Variants in EYA2 observed in about 807,000 individuals in gnomAD.
The protein encoded by EYA2 is EYA transcriptional coactivator and phosphatase 2, also known as protein phosphatase EYA2.
EYA2 carries 31 observed loss-of-function variants against 69.2 expected under a neutral mutation model. The observed-to-expected ratio is 0.45, with a 90% CI of 0.34 to 0.60. The LOEUF (loss-of-function observed/expected upper bound fraction) is 0.60, where lower values mean the gene tolerates loss of function less well. EYA2 is among the 20% of genes least tolerant of loss of function. The pLI is 0.02. For missense variants in EYA2, 622 were observed against 701.2 expected (o/e 0.89, Z 1.28); for synonymous variants, 257 against 279.4 (o/e 0.92, Z 0.80).
intron 4 of EYA2, among the ~76,000 whole-genome samples, chr20:47,015,749 A>G (rs1289486818): frequency 6.6e-6 from 1 of 152,182 alleles, no homozygotes; most frequent in African/African-American, 2.4e-5. Flanking sequence ...GATGTACCAA[A>G]ACAAATCACA....
At chr20:47,000,338 C>A (rs1455684086) in intron 2 of EYA2, among the ~76,000 whole-genome samples, 1 of 152,214 alleles carries the variant, frequency 6.6e-6, no homozygotes, top group Non-Finnish European at 1.5e-5. Flanking sequence ...GCCCAGAGAT[C>A]TAGGAACTTG....
chr20:47,000,426 G>T, intron 2 of EYA2, among the ~76,000 whole-genome samples: 1 of 152,226 alleles, frequency 6.6e-6, no homozygotes, highest in Admixed American at 6.5e-5. Context: ...AGAGGCTGAG[G>T]CAGGCTCAGA....
intron 1 of EYA2, among the ~76,000 whole-genome samples, chr20:46,946,181 C>G (rs1253709712): frequency 1.3e-5 from 2 of 152,162 alleles, no homozygotes; most frequent in African/African-American, 4.8e-5. Flanking sequence ...TGCAGGATTG[C>G]TGGACCCTCT....
intron 1 of EYA2, among the ~76,000 whole-genome samples, chr20:46,925,610 GAT>G (rs1985381026): frequency 6.6e-6 from 1 of 152,168 alleles, no homozygotes; most frequent in Non-Finnish European, 1.5e-5. Context: ...TTAAAAAAGA[GAT>G]ATGCAATTAA....
intron 8 of EYA2, among the ~76,000 whole-genome samples, chr20:47,090,222 C>T (rs944893858): frequency 6.8e-6 from 1 of 146,440 alleles, no homozygotes; most frequent in Non-Finnish European, 1.5e-5. Context: ...GTCAGGGATG[C>T]TCCAATCTTT....
intron 5 of EYA2, among the ~76,000 whole-genome samples, chr20:47,026,025 C>G (rs1033860362): frequency 6.6e-6 from 1 of 152,238 alleles, no homozygotes; most frequent in African/African-American, 2.4e-5. Context: ...CAATTAAGTA[C>G]TAGGCATACC....
At chr20:47,015,320 T>C (rs1322002108) in intron 4 of EYA2, among the ~76,000 whole-genome samples, 1 of 152,192 alleles carries the variant, frequency 6.6e-6, no homozygotes, top group African/African-American at 2.4e-5. Flanking sequence ...ACAGTCCCTT[T>C]CTCAGCCAGT....
chr20:47,117,164 C>A (rs1024000664), intron 9 of EYA2, among the ~76,000 whole-genome samples: 1 of 152,130 alleles, frequency 6.6e-6, no homozygotes, highest in Non-Finnish European at 1.5e-5. Flanking sequence ...AGGCGCACGC[C>A]ACCACACCCA....
At chr20:47,049,307 A>G (rs1568745240) in intron 5 of EYA2, among the ~76,000 whole-genome samples, 1 of 152,180 alleles carries the variant, frequency 6.6e-6, no homozygotes, top group African/African-American at 2.4e-5. Context: ...ACTAAACTAC[A>G]GACTTTATTT....
intron 7 of EYA2, among the ~76,000 whole-genome samples, chr20:47,077,965 G>T (rs1271429855): frequency 1.3e-5 from 2 of 152,146 alleles, no homozygotes; most frequent in Non-Finnish European, 2.9e-5. Flanking sequence ...GGAAACCATC[G>T]AGTAGATGCC....
At chr20:47,093,584 G>A (rs947946761) in intron 8 of EYA2, among the ~76,000 whole-genome samples, 17 of 152,204 alleles carry the variant, frequency 1.1e-4, no homozygotes, top group African/African-American at 3.9e-4. Flanking sequence ...ACCAGCGCAA[G>A]CTGTGCTGTG....
Position 47,179,811 on chromosome 20 carries a change from TC to T in EYA2, c.1215del (p.Arg407GlyfsTer19). The T allele has an allele frequency of 6.2e-7, 1 of 1,613,548 alleles. No individual in the cohort carries two copies. Among genetic ancestry groups the T allele is most frequent in the South Asian group, 1.1e-5 (1 of 91,042 alleles). ...CTTTGTCCACAGGGTTGATAGGCAC[TC>T]CCAAAAGGGAGACCTGGCTACAGCT... ...KNNVGGLIGT[P>X]KRETWLQLRA... is the part of the protein sequence containing the mutation. On this transcript the variant is annotated frameshift_variant, in exon 13 of 16. Transcript: ENST00000327619. LOFTEE classifies it high-confidence loss of function.
intron 1 of EYA2, among the ~76,000 whole-genome samples, chr20:46,981,524 G>GATTGCTATAGGTATTTTA (rs940060999): frequency 6.6e-6 from 1 of 152,128 alleles, no homozygotes; most frequent in Non-Finnish European, 1.5e-5. Context: ...GGTGTGTTTT[G>GATTGCTATAGGTATTTTA]ATTGCTATAG....
At chr20:46,903,877 A>T (rs1984232700) in intron 1 of EYA2, among the ~76,000 whole-genome samples, 1 of 152,228 alleles carries the variant, frequency 6.6e-6, no homozygotes, top group Non-Finnish European at 1.5e-5. Context: ...TGCCATTGTG[A>T]GAATATAAAT....
intron 4 of EYA2, among the ~76,000 whole-genome samples, chr20:47,014,791 G>A (rs540530324): frequency 2.6e-5 from 4 of 152,158 alleles, no homozygotes; most frequent in Middle Eastern, 3.4e-3. Context: ...GCATGTGTGT[G>A]TGTTATGTGT....
intron 15 of EYA2, among the ~76,000 whole-genome samples, chr20:47,183,656 G>A (rs369381335): frequency 6.6e-6 from 1 of 152,218 alleles, no homozygotes; most frequent in South Asian, 2.1e-4. Flanking sequence ...GCCTAGAGAC[G>A]CTCCGGCAGG....
chr20:47,007,389 G>A (rs1982782482), intron 4 of EYA2, among the ~76,000 whole-genome samples: 1 of 152,228 alleles, frequency 6.6e-6, no homozygotes, highest in Admixed American at 6.5e-5. Flanking sequence ...ACAGACAGGA[G>A]AGCATCCAGG....
intron 1 of EYA2, among the ~76,000 whole-genome samples, chr20:46,918,020 A>T (rs1984993767): frequency 6.6e-6 from 1 of 152,178 alleles, no homozygotes; most frequent in Non-Finnish European, 1.5e-5. Context: ...AACATCTTTC[A>T]AAATTAGAGT....
At chr20:47,098,523 TG>T (rs2032323223) in intron 9 of EYA2, among the ~76,000 whole-genome samples, 1 of 152,182 alleles carries the variant, frequency 6.6e-6, no homozygotes, top group South Asian at 2.1e-4. Flanking sequence ...TGTGTGATCT[TG>T]GGTATGATTT....
Sources: gnomAD v4.1 joint callset for allele counts (sites outside exome capture counted in the v4.1 genomes callset) on GRCh38, gnomAD v4.1.1 for gene constraint, MANE v1.5 for transcripts, NCBI Gene and HGNC (gene_info 2026-07-23, HGNC 2026-07-21) for gene names.